Variants in COL4A6 observed in about 807,000 individuals in gnomAD.
COL4A6 encodes collagen type IV alpha 6 chain, also known as collagen alpha-6(IV) chain.
Under a neutral mutation model 126.7 loss-of-function variants are expected in COL4A6, and 59 were observed. That is an observed-to-expected ratio of 0.47 (90% confidence interval 0.38 to 0.58). The LOEUF (loss-of-function observed/expected upper bound fraction) is 0.58, where lower values mean the gene tolerates loss of function less well. Ranked by LOEUF, COL4A6 falls within the 20% of genes least tolerant of loss-of-function variation. The pLI is 0.00. For synonymous variants in COL4A6, 547 were observed against 496.6 expected (o/e 1.10, Z -1.35); for missense variants, 1,285 against 1,337.3 (o/e 0.96, Z 0.61).
In COL4A6 at chrX:108,170,797, T is replaced by C. The variant is rs2034276838; in HGVS notation, c.3385+13A>G. 8.3e-7 allele frequency: 1 copy of C among 1,207,824 alleles called. No homozygotes were observed. The highest frequency in any genetic ancestry group is 1.1e-6 in the Non-Finnish European group (1 of 891,522). On this transcript the variant is annotated intron_variant, in intron 34 of 44. Transcript: ENST00000334504. ...AAACTCTTTCAGAATAAGGTTATCA[T>C]GTGGCATGGTACCTGGAGCTCCAGG...
chrX:108,312,381 G>A (rs906658301), intron 2 of COL4A6, among the ~76,000 whole-genome samples: 2 of 111,963 alleles, frequency 1.8e-5, no homozygotes, highest in Non-Finnish European at 1.9e-5. Flanking sequence ...TTCCTTATAC[G>A]TTATATTTTA....
chrX:108,267,737 T>C (rs1209555956), intron 3 of COL4A6: 6 of 112,858 alleles, frequency 5.3e-5, no homozygotes, highest in Admixed American at 1.9e-4. Context: ...GGCCTTTTCT[T>C]TGAGCGTGAG....
At chrX:108,418,769 C>T (rs1233677150) in intron 2 of COL4A6, among the ~76,000 whole-genome samples, 1 of 111,987 alleles carries the variant, frequency 8.9e-6, no homozygotes, top group Non-Finnish European at 1.9e-5. Context: ...TTCTGTGTGG[C>T]ATTCTTTGAC....
intron 2 of COL4A6, among the ~76,000 whole-genome samples, chrX:108,323,057 T>G (rs1339090734): frequency 8.9e-6 from 1 of 112,116 alleles, no homozygotes; most frequent in Non-Finnish European, 1.9e-5. Flanking sequence ...ATTCTTCCCC[T>G]TAATTTTTCA....
Position 108,171,437 on chromosome X carries a change from A to T in COL4A6, c.3227T>A (p.Ile1076Asn). Residue 1076 changes from isoleucine (I) to asparagine (N), a missense_variant, in exon 33 of 45, where the codon ATT becomes AAT. Transcript: ENST00000334504. Reference sequence around the variant, plus strand: ...TCCCTTGGGTCCTGGGCTACCGGAAATTTCAACTGTCTGGCCGTTGTCTCC... The same window carrying T: ...TCCCTTGGGTCCTGGGCTACCGGAATTTTCAACTGTCTGGCCGTTGTCTCC... Reference protein sequence around the residue: ...LKGDNGQTVEISGSPGPKGQP... With the variant: ...LKGDNGQTVENSGSPGPKGQP... 8.3e-7 allele frequency: 1 copy of T among 1,208,889 alleles called. No individual in the cohort carries two copies. Among genetic ancestry groups the T allele is most frequent in the Non-Finnish European group, 1.1e-6 (1 of 894,464 alleles).
chrX:108,432,188 T>C (rs968361028), intron 2 of COL4A6, among the ~76,000 whole-genome samples: 31 of 112,210 alleles, frequency 2.8e-4, no homozygotes, highest in African/African-American at 7.1e-4. Context: ...TCTTTATACA[T>C]TTTCCTTTTG....
intron 2 of COL4A6, among the ~76,000 whole-genome samples, chrX:108,347,183 G>A (rs2039728432): frequency 8.9e-6 from 1 of 111,756 alleles, no homozygotes; most frequent in African/African-American, 3.3e-5. Flanking sequence ...TCCCGTCGCA[G>A]GGAGCACTCA....
intron 2 of COL4A6, among the ~76,000 whole-genome samples, chrX:108,338,177 A>T (rs2039477926): frequency 8.9e-6 from 1 of 111,945 alleles, no homozygotes; most frequent in Non-Finnish European, 1.9e-5. Flanking sequence ...ATGAGATGGC[A>T]TTCCCAGTGT....
At chrX:108,377,747 G>A (rs1451941026) in intron 2 of COL4A6, among the ~76,000 whole-genome samples, 1 of 107,109 alleles carries the variant, frequency 9.3e-6, no homozygotes, top group African/African-American at 3.4e-5. Flanking sequence ...GGCTAACATG[G>A]TGAAACCCCG....
intron 2 of COL4A6, among the ~76,000 whole-genome samples, chrX:108,364,828 CA>C (rs1302841737): frequency 2.7e-5 from 3 of 111,449 alleles, no homozygotes; most frequent in African/African-American, 9.8e-5. Context: ...TTAATTACCA[CA>C]TTTTCTTCAT....
chrX:108,240,564 C>T (rs1043304297), intron 3 of COL4A6, among the ~76,000 whole-genome samples: 2 of 111,784 alleles, frequency 1.8e-5, no homozygotes, highest in African/African-American at 6.5e-5. Flanking sequence ...GACTAGAATT[C>T]TATGTCTAAG....
chrX:108,315,500 A>G (rs2038862336), intron 2 of COL4A6, among the ~76,000 whole-genome samples: 1 of 111,858 alleles, frequency 8.9e-6, no homozygotes, highest in Non-Finnish European at 1.9e-5. Context: ...TCGGCCTCCA[A>G]AATTATTTTT....
intron 3 of COL4A6, among the ~76,000 whole-genome samples, chrX:108,300,879 A>G (rs949906735): frequency 8.9e-6 from 1 of 111,757 alleles, no homozygotes; most frequent in Admixed American, 9.5e-5. Context: ...CTCACAAAAC[A>G]CAATGAGATA....
At chrX:108,412,058 G>A (rs187320740) in intron 2 of COL4A6, among the ~76,000 whole-genome samples, 17 of 111,289 alleles carry the variant, frequency 1.5e-4, no homozygotes, top group Non-Finnish European at 2.4e-4. Flanking sequence ...AGAGAAGCAC[G>A]AGATAAGCCT....
intron 7 of COL4A6, among the ~76,000 whole-genome samples, chrX:108,210,801 C>T (rs2148224121): frequency 8.9e-6 from 1 of 111,732 alleles, no homozygotes; most frequent in South Asian, 3.8e-4. Context: ...TCCTTTCCAA[C>T]TCAAACATTC....
chrX:108,336,179 G>A (rs1231776413), intron 2 of COL4A6, among the ~76,000 whole-genome samples: 1 of 111,516 alleles, frequency 9.0e-6, no homozygotes, highest in Non-Finnish European at 1.9e-5. Context: ...AAACTTCTAC[G>A]CCAATGTTGA....
intron 33 of COL4A6, 23 bp from the exon 34 acceptor site, chrX:108,170,940 G>A (rs1411377905): frequency 1.8e-6 from 2 of 1,134,769 alleles, no homozygotes; most frequent in African/African-American, 3.6e-5. Flanking sequence ...GAAAAATGCT[G>A]AGTGATTAGG....
At position 108,187,519 on chromosome X, in the gene COL4A6, A is replaced by G. The variant is rs149578632; in HGVS notation, c.1768-240T>C. Among the ~76,000 whole-genome samples the G allele has an allele frequency of 6.7e-3, 752 of 111,853 alleles. 6 individuals carry two copies. The highest frequency in any genetic ancestry group is 0.023 in the African/African-American group (712 of 30,704). On this transcript the variant is annotated intron_variant, in intron 22 of 44. Transcript: ENST00000334504. Reference sequence around the variant, plus strand: ...TGGATAGGGGTGAGGAGACAGGGCAAGAAATGAGCAGGATAATAACAACCC... The same window carrying G: ...TGGATAGGGGTGAGGAGACAGGGCAGGAAATGAGCAGGATAATAACAACCC...
chrX:108,371,574 TAAA>T (rs35855359), intron 2 of COL4A6, among the ~76,000 whole-genome samples: 6 of 51,705 alleles, frequency 1.2e-4, no homozygotes, highest in East Asian at 5.6e-4. Flanking sequence ...TCTGTCTCTA[TAAA>T]AAAAAAAAAA....
Sources: gnomAD v4.1 joint callset for allele counts (sites outside exome capture counted in the v4.1 genomes callset) on GRCh38, gnomAD v4.1.1 for gene constraint, MANE v1.5 for transcripts, NCBI Gene and HGNC (gene_info 2026-07-23, HGNC 2026-07-21) for gene names.